Variants in SLC27A2 observed in about 807,000 individuals in gnomAD.
The protein encoded by SLC27A2 is long-chain fatty acid transport protein 2.
Under a neutral mutation model 60.0 loss-of-function variants are expected in SLC27A2, and 54 were observed. That is an observed-to-expected ratio of 0.90 (90% CI 0.72 to 1.13). The LOEUF (loss-of-function observed/expected upper bound fraction) is 1.13. SLC27A2 is among the 50% of genes most tolerant of loss of function. The pLI is 0.00. For missense variants in SLC27A2, 739 were observed against 777.6 expected, an observed-to-expected ratio of 0.95 and a Z score of 0.59; for synonymous variants, 297 against 297.6, an observed-to-expected ratio of 1.00 and a Z score of 0.02.
At chr15:50,187,587 A>C (rs1275148285) in intron 1 of SLC27A2, among the ~76,000 whole-genome samples, 2 of 152,090 alleles carry the variant, frequency 1.3e-5, no homozygotes, top group Non-Finnish European at 1.5e-5. Context: ...TGCCTAACTC[A>C]ACACAGCCAT....
intron 4 of SLC27A2, among the ~76,000 whole-genome samples, chr15:50,210,471 G>A (rs2045146109): frequency 6.6e-6 from 1 of 152,198 alleles, no homozygotes; most frequent in Admixed American, 6.5e-5. Context: ...AGAGGAAGCT[G>A]CAGAAAGGCC....
intron 2 of SLC27A2, 140 bp from the exon 3 acceptor site, chr15:50,202,347 T>C (rs1481696589): frequency 1.4e-5 from 11 of 774,640 alleles, no homozygotes; most frequent in Non-Finnish European, 2.3e-5. Context: ...ATTTGTCAAC[T>C]CCTGGACTAA....
chr15:50,185,563 A>T lies in SLC27A2; in HGVS notation c.478+2658A>T, dbSNP rs905842858. Among the ~76,000 whole-genome samples the T allele has an allele frequency of 5.4e-5, 8 of 147,368 alleles. No individual in the cohort carries two copies. In the South Asian group the frequency reaches 8.6e-4, roughly 16 times the overall value. The stretch of plus-strand genomic sequence containing the variant: ...AAGTTTAATGAATGTGTTATACTTT[A>T]AAAAAAAAAGTTTACAGAAGAAACT... On this transcript the variant is annotated intron_variant, in intron 1 of 9. Coordinates refer to ENST00000267842, the MANE Select transcript of SLC27A2 (RefSeq NM_003645.4).
At position 50,202,580 on chromosome 15, in the gene SLC27A2, A is replaced by G. The variant is rs1392237402; in HGVS notation, c.782A>G (p.Tyr261Cys). The G allele has an allele frequency of 3.7e-6, 6 of 1,613,898 alleles. No individual in the cohort carries two copies. Among genetic ancestry groups the G allele is most frequent in the Admixed American group, 1.7e-5 (1 of 60,006 alleles). ...GGATTGAAGGCAGATGATGTCATCT[A>G]TATCACTCTGCCCTTTTACCACAGT... ...VSGLKADDVIYITLPFYHSAA... is the reference protein window; with the variant it reads ...VSGLKADDVICITLPFYHSAA... The change falls in exon 3 of 10, where the codon TAT becomes TGT. Residue 261 changes from tyrosine to cysteine, a missense_variant. Physicochemically the swap from Tyr to Cys is radical, Grantham distance 194. Transcript: ENST00000267842.
At position 50,205,469 on chromosome 15, in the gene SLC27A2, GTT is replaced by G. The variant is rs1195090523; in HGVS notation, c.972+108_972+109del. On this transcript the variant is annotated intron_variant, in intron 4 of 9. Coordinates refer to ENST00000267842, the MANE Select transcript of SLC27A2 (RefSeq NM_003645.4). ...ACTGATTTGCATATATCAGTTTTGA[GTT>G]TAGGATACAATTATCATGATAAAGT... The G allele has an allele frequency of 9.5e-6, 11 of 1,158,252 alleles. No homozygotes were observed. The Admixed American group carries it at 2.4e-4, about 25-fold the overall frequency. 71.7% of individuals were successfully genotyped at this position (1,158,252 alleles called of 1,614,324 possible).
chr15:50,197,701 G>T lies in SLC27A2; in HGVS notation c.680G>T (p.Gly227Val). The change falls in exon 2 of 10, where the codon GGA becomes GTA. Residue 227 changes from glycine (G) to valine (V), a missense_variant. Physicochemically the swap from Gly to Val is moderately radical, Grantham distance 109. Transcript: ENST00000267842. ...CCTGCCTTATACATTTATACTTCTG[G>T]AACCACAGGTAAAAATAAAGGGGGG... ...STPALYIYTSGTTGLPKAAMI... is the reference protein window; with the variant it reads ...STPALYIYTSVTTGLPKAAMI... 1 of 1,609,912 alleles carries T rather than the reference G, an allele frequency of 6.2e-7. No individual in the cohort carries two copies. The highest frequency in any genetic ancestry group is 8.5e-7 in the Non-Finnish European group (1 of 1,176,554).
At chr15:50,226,881 C>G (rs894656975) in intron 6 of SLC27A2, 99 bp from the exon 7 acceptor site, 1 of 892,746 alleles carries the variant, frequency 1.1e-6, no homozygotes, top group African/African-American at 1.7e-5. Flanking sequence ...CTACAGCCAG[C>G]TTGTTGCCAG....
intron 4 of SLC27A2, among the ~76,000 whole-genome samples, chr15:50,211,896 C>A (rs1271939500): frequency 6.7e-6 from 1 of 148,312 alleles, no homozygotes; most frequent in Non-Finnish European, 1.5e-5. Context: ...ACAGTGAAAC[C>A]CCTTCTCTAC....
intron 2 of SLC27A2, among the ~76,000 whole-genome samples, chr15:50,200,947 G>C (rs1395307931): frequency 6.6e-5 from 10 of 152,226 alleles, no homozygotes. Context: ...AATGGGGACA[G>C]CCCTTATAAC....
chr15:50,232,691 T>C (rs1193019487), intron 8 of SLC27A2, among the ~76,000 whole-genome samples: 4 of 152,220 alleles, frequency 2.6e-5, no homozygotes, highest in East Asian at 1.9e-4. Flanking sequence ...TTCTGTTGCA[T>C]GAGCCTTAAT....
At chr15:50,215,787 C>T (rs1336701234) in intron 4 of SLC27A2, among the ~76,000 whole-genome samples, 1 of 152,160 alleles carries the variant, frequency 6.6e-6, no homozygotes, top group African/African-American at 2.4e-5. Context: ...GGATTCTCAT[C>T]TCTCACCTTA....
Position 50,227,031 on chromosome 15 carries a change from G to C in SLC27A2, c.1310G>C (p.Gly437Ala). 1 of 1,614,180 alleles carries C rather than the reference G, an allele frequency of 6.2e-7. No homozygotes were observed. Among genetic ancestry groups the C allele is most frequent in the East Asian group, 2.2e-5 (1 of 44,878 alleles). Reference sequence around the variant, plus strand: ...ATCACACAACTTACACCATTTAATGGCTATGCTGGAGCAAAGGCTCAGACA... The same window carrying C: ...ATCACACAACTTACACCATTTAATGCCTATGCTGGAGCAAAGGCTCAGACA... ...CKITQLTPFN[G>A]YAGAKAQTEK... The change falls in exon 7 of 10, where the codon GGC (glycine) becomes GCC (alanine). Residue 437 changes from glycine (G) to alanine (A), a missense_variant. Coordinates refer to ENST00000267842, the MANE Select transcript of SLC27A2 (RefSeq NM_003645.4).
intron 5 of SLC27A2, among the ~76,000 whole-genome samples, chr15:50,224,172 G>A (rs1331325579): frequency 6.6e-6 from 1 of 152,188 alleles, no homozygotes; most frequent in Non-Finnish European, 1.5e-5. Context: ...CAGGCGCAGC[G>A]GCTCACGCCT....
chr15:50,182,982 G>C, intron 1 of SLC27A2, 77 bp downstream of exon 1: 1 of 1,439,280 alleles, frequency 6.9e-7, no homozygotes, highest in Non-Finnish European at 9.4e-7. Flanking sequence ...CGTGGCATAA[G>C]GGGTTCGCAG....
intron 8 of SLC27A2, among the ~76,000 whole-genome samples, chr15:50,232,726 C>T (rs998471495): frequency 1.3e-5 from 2 of 152,212 alleles, no homozygotes; most frequent in African/African-American, 4.8e-5. Context: ...ATTGGAGACA[C>T]TTGAGATTTC....
intron 4 of SLC27A2, among the ~76,000 whole-genome samples, chr15:50,219,044 T>C (rs1041644585): frequency 2.0e-5 from 3 of 152,222 alleles, no homozygotes; most frequent in Non-Finnish European, 4.4e-5. Flanking sequence ...AATTTGTTCA[T>C]AGTGTATTAC....
rs2045214302 is a variant in SLC27A2, at chr15:50,218,084, A to AG, written c.973-4881_973-4880insG. 2.6e-5 allele frequency among the ~76,000 whole-genome samples: 4 copies of AG among 151,444 alleles called. No homozygotes were observed. The South Asian group carries it at 8.3e-4, about 31-fold the overall frequency. On this transcript the variant is annotated intron_variant, in intron 4 of 9. Transcript: ENST00000267842. The stretch of plus-strand genomic sequence containing the variant: ...TCAAAAAAAAAAAAAAAAAAAAAAA[A>AG]AACCGGGAGAAATGTTTTTAATGTA...
intron 8 of SLC27A2, among the ~76,000 whole-genome samples, chr15:50,232,448 C>T (rs2045322297): frequency 6.6e-6 from 1 of 152,108 alleles, no homozygotes; most frequent in South Asian, 2.1e-4. Flanking sequence ...CACAAATAAC[C>T]AGTGGGTGTC....
In SLC27A2 at chr15:50,188,976, T is replaced by TAGAC. The variant is rs1249835864; in HGVS notation, c.478+6074_478+6075insCAGA. ...CTGTCTAGATAGGTAGATAGATAGA[T>TAGAC]AGATAAATAGATAGATAGATAGATA... On this transcript the variant is annotated intron_variant, in intron 1 of 9. Transcript: ENST00000267842. 4.0e-3 allele frequency among the ~76,000 whole-genome samples: 458 copies of TAGAC among 115,790 alleles called. 3 individuals carry two copies. Among genetic ancestry groups the TAGAC allele is most frequent in the African/African-American group, 0.016 (444 of 27,204 alleles). 76.0% of individuals were successfully genotyped at this position (115,790 alleles called of 152,430 possible).
Sources: gnomAD v4.1 joint callset for allele counts (sites outside exome capture counted in the v4.1 genomes callset) on GRCh38, gnomAD v4.1.1 for gene constraint, MANE v1.5 for transcripts, NCBI Gene and HGNC (gene_info 2026-07-23, HGNC 2026-07-21) for gene names.